The following TANC2 variants were observed in gnomAD, a reference collection of about 807,000 sequenced individuals.
TANC2 encodes the protein tetratricopeptide repeat, ankyrin repeat and coiled-coil containing 2, also known as protein TANC2.
Under a neutral mutation model 210.5 loss-of-function variants are expected in TANC2, and 26 were observed. The observed-to-expected ratio is 0.12, with a 90% confidence interval of 0.09 to 0.17. The LOEUF is 0.17. Among genes scored for constraint, TANC2 ranks in the 10% least tolerant of loss-of-function variants. The pLI is 1.00. For missense variants in TANC2, 2,129 were observed against 2,608.9 expected, an observed-to-expected ratio of 0.82 and a Z score of 4.01; for synonymous variants, 931 against 967.1, an observed-to-expected ratio of 0.96 and a Z score of 0.69.
intron 7 of TANC2, among the ~76,000 whole-genome samples, chr17:63,219,332 ATTGTAACATCCAGATATGTAACAT>A (rs1171795186): frequency 5.9e-5 from 9 of 152,248 alleles, no homozygotes; most frequent in Non-Finnish European, 7.4e-5. Flanking sequence ...GTAACAAATT[ATTGTAACATCCAGATATGTAACAT>A]TTGTAACATC....
chr17:63,315,326 A>G (rs189713793), intron 10 of TANC2, among the ~76,000 whole-genome samples: 12 of 152,298 alleles, frequency 7.9e-5, no homozygotes, highest in Admixed American at 2.6e-4. Context: ...TACCAGCTCA[A>G]TGAGGTTGTC....
chr17:63,152,547 G>A (rs1046915393), intron 5 of TANC2: 2 of 152,046 alleles, frequency 1.3e-5, no homozygotes, highest in African/African-American at 4.8e-5. Flanking sequence ...TTAGGAACCA[G>A]CTTTTCTGTT....
At chr17:63,282,108 AAAGAT>A (rs1245494522) in intron 9 of TANC2, among the ~76,000 whole-genome samples, 1 of 152,110 alleles carries the variant, frequency 6.6e-6, no homozygotes, top group Non-Finnish European at 1.5e-5. Context: ...ATATTATAAT[AAAGAT>A]AAGAGCAGAA....
At chr17:63,066,296 C>A (rs1170947987) in intron 2 of TANC2, among the ~76,000 whole-genome samples, 1 of 152,014 alleles carries the variant, frequency 6.6e-6, no homozygotes, top group African/African-American at 2.4e-5. Context: ...GCATCAGGTC[C>A]CTTGGAATGG....
intron 8 of TANC2, among the ~76,000 whole-genome samples, chr17:63,248,420 C>G (rs2042973068): frequency 6.6e-6 from 1 of 152,118 alleles, no homozygotes; most frequent in Admixed American, 6.5e-5. Context: ...AAGCCTTATT[C>G]AGATCCAACT....
At chr17:63,323,228 C>T (rs889970034) in intron 11 of TANC2, among the ~76,000 whole-genome samples, 1 of 152,158 alleles carries the variant, frequency 6.6e-6, no homozygotes, top group South Asian at 2.1e-4. Context: ...TGAAAAATCT[C>T]TCAATTTGAC....
At chr17:63,320,014 T>A (rs2045445210) in intron 11 of TANC2, among the ~76,000 whole-genome samples, 1 of 152,324 alleles carries the variant, frequency 6.6e-6, no homozygotes, top group East Asian at 1.9e-4. Context: ...GAATTATAGT[T>A]GTTTCACCTT....
chr17:63,200,355 C>CAAAAAAAAAAAAAAAAAA, intron 6 of TANC2, among the ~76,000 whole-genome samples: 1 of 93,814 alleles, frequency 1.1e-5, no homozygotes, highest in Non-Finnish European at 2.1e-5. Context: ...AACTCTGTCT[C>CAAAAAAAAAAAAAAAAAA]AAAAAAAAAA....
In TANC2 at chr17:63,019,785, T is replaced by C. The variant is rs1444918411; in HGVS notation, c.67+10159T>C. ...CTATTTGCATGTCTTTGGTGAAATA[T>C]CTCTTCATGTCTTTTGGCTGTCTTC... On this transcript the variant is annotated intron_variant, in intron 2 of 27. Coordinates refer to ENST00000689528, the Ensembl canonical transcript of TANC2. Among the ~76,000 whole-genome samples the C allele has an allele frequency of 2.0e-5, 3 of 151,014 alleles. No individual in the cohort carries two copies. The East Asian group carries it at 5.9e-4, about 30-fold the overall frequency.
chr17:63,349,975 C>T (rs1029643557), intron 12 of TANC2, among the ~76,000 whole-genome samples: 12 of 152,120 alleles, frequency 7.9e-5, no homozygotes, highest in African/African-American at 2.9e-4. Flanking sequence ...ATTTCACTCC[C>T]TAAAAACTTG....
intron 5 of TANC2, among the ~76,000 whole-genome samples, chr17:63,161,655 C>G (rs984857061): frequency 1.3e-5 from 2 of 152,156 alleles, no homozygotes; most frequent in African/African-American, 2.4e-5. Flanking sequence ...AGTTGGAATA[C>G]TCTAAGACCT....
At chr17:63,320,924 C>T (rs772213748) in intron 11 of TANC2, among the ~76,000 whole-genome samples, 5 of 152,106 alleles carry the variant, frequency 3.3e-5, no homozygotes, top group African/African-American at 7.2e-5. Flanking sequence ...TCTGGCTGGG[C>T]GCAGTGGCTC....
intron 2 of TANC2, among the ~76,000 whole-genome samples, chr17:63,034,772 A>C (rs2034906642): frequency 6.6e-6 from 1 of 152,174 alleles, no homozygotes; most frequent in Non-Finnish European, 1.5e-5. Flanking sequence ...TAGGATTCGA[A>C]ATACAGCCTG....
At chr17:63,110,294 T>A (rs889555878) in intron 4 of TANC2, among the ~76,000 whole-genome samples, 1 of 151,668 alleles carries the variant, frequency 6.6e-6, no homozygotes, top group Non-Finnish European at 1.5e-5. Context: ...GGGTCTGGAT[T>A]TTGATTATGT....
At chr17:63,213,205 A>G (rs764825374) in intron 7 of TANC2, among the ~76,000 whole-genome samples, 3 of 152,236 alleles carry the variant, frequency 2.0e-5, no homozygotes, top group Admixed American at 6.5e-5. Context: ...GAAAAGGGCT[A>G]TGTTTCTGGC....
intron 5 of TANC2, among the ~76,000 whole-genome samples, chr17:63,171,844 T>C (rs2040415436): frequency 2.6e-5 from 4 of 152,218 alleles, no homozygotes; most frequent in Admixed American, 2.6e-4. Context: ...AAAGCTGCCC[T>C]TAAAATCTAA....
intron 9 of TANC2, among the ~76,000 whole-genome samples, chr17:63,300,771 C>A (rs750161852): frequency 6.6e-6 from 1 of 152,162 alleles, no homozygotes; most frequent in Non-Finnish European, 1.5e-5. Flanking sequence ...CACTTTATTT[C>A]TTTCTCTTGC....
At chr17:63,327,029 A>G (rs1209221066) in intron 11 of TANC2, among the ~76,000 whole-genome samples, 2 of 152,208 alleles carry the variant, frequency 1.3e-5, no homozygotes, top group East Asian at 1.9e-4. Flanking sequence ...AGACAATTCA[A>G]TGGCAAAAAA....
chr17:63,291,553 G>C (rs1319786601), intron 9 of TANC2, among the ~76,000 whole-genome samples: 1 of 152,210 alleles, frequency 6.6e-6, no homozygotes, highest in East Asian at 1.9e-4. Flanking sequence ...AAGGGTAGCA[G>C]TGTAGGGATG....
Sources: allele counts gnomAD v4.1 joint callset (sites outside exome capture counted in the v4.1 genomes callset), GRCh38; gene constraint gnomAD v4.1.1; transcripts MANE v1.5; gene names NCBI Gene and HGNC (gene_info 2026-07-23, HGNC 2026-07-21).